Variants in BLTP3A observed in about 807,000 individuals in gnomAD.
The protein encoded by BLTP3A is bridge-like lipid transfer protein family member 3A.
the BLTP3A span, among the ~76,000 whole-genome samples, chr6:34,850,230 C>CA: frequency 6.6e-6 from 1 of 152,038 alleles, no homozygotes; most frequent in East Asian, 1.9e-4. Flanking sequence ...TGCTGCCAGA[C>CA]ATATTGAAGC....
At chr6:34,857,961 C>T in the BLTP3A span, 3 of 1,592,776 alleles carry the variant, frequency 1.9e-6, no homozygotes, top group Non-Finnish European at 2.6e-6. Context: ...GTAGCCACAG[C>T]TGCATTTTTC....
chr6:34,841,310 C>A, the BLTP3A span, among the ~76,000 whole-genome samples: 1 of 151,848 alleles, frequency 6.6e-6, no homozygotes, highest in African/African-American at 2.4e-5. Context: ...CTCAAGTGAT[C>A]CGCCCACTTC....
At chr6:34,853,432 T>G in the BLTP3A span, among the ~76,000 whole-genome samples, 1 of 152,162 alleles carries the variant, frequency 6.6e-6, no homozygotes, top group Non-Finnish European at 1.5e-5. Flanking sequence ...TCCAAAATGC[T>G]GAGATTACAG....
At chr6:34,809,163 T>A in the BLTP3A span, among the ~76,000 whole-genome samples, 3 of 152,050 alleles carry the variant, frequency 2.0e-5, no homozygotes, top group Non-Finnish European at 4.4e-5. Context: ...AAGGCTGAAG[T>A]GGGAGGATCA....
At chr6:34,844,221 A>C in the BLTP3A span, among the ~76,000 whole-genome samples, 1 of 151,842 alleles carries the variant, frequency 6.6e-6, no homozygotes, top group Non-Finnish European at 1.5e-5. Flanking sequence ...TGACCTTGTG[A>C]TCCACCCACC....
the BLTP3A span, among the ~76,000 whole-genome samples, chr6:34,830,522 A>G: frequency 2.0e-5 from 3 of 151,520 alleles, no homozygotes; most frequent in Non-Finnish European, 4.4e-5. Context: ...CCTGGGAGGC[A>G]GATGTTGTAG....
chr6:34,861,712 A>T, the BLTP3A span, among the ~76,000 whole-genome samples: 1 of 152,172 alleles, frequency 6.6e-6, no homozygotes, highest in African/African-American at 2.4e-5. Context: ...TTTTATTATG[A>T]TATTTTCCCA....
chr6:34,808,582 C>A, the BLTP3A span, among the ~76,000 whole-genome samples: 39 of 143,750 alleles, frequency 2.7e-4, no homozygotes, highest in Admixed American at 2.7e-3. Context: ...ATATTATGAA[C>A]ACCTTTTTTT....
chr6:34,871,634 T>C, the BLTP3A span: 4 of 1,614,036 alleles, frequency 2.5e-6, no homozygotes, highest in Non-Finnish European at 3.4e-6. Context: ...TCCCCATCAC[T>C]CTGGCCATGG....
chr6:34,815,330 A>G, the BLTP3A span, among the ~76,000 whole-genome samples: 1 of 151,772 alleles, frequency 6.6e-6, no homozygotes, highest in Non-Finnish European at 1.5e-5. Context: ...GCTCATTGCA[A>G]CCTCTGCCTT....
the BLTP3A span, among the ~76,000 whole-genome samples, chr6:34,816,952 G>T: frequency 6.6e-6 from 1 of 152,172 alleles, no homozygotes; most frequent in Non-Finnish European, 1.5e-5. Flanking sequence ...ATTAGAGGAA[G>T]GGTTGCTAGG....
chr6:34,798,344 A>G, the BLTP3A span, among the ~76,000 whole-genome samples: 1 of 152,192 alleles, frequency 6.6e-6, no homozygotes, highest in Non-Finnish European at 1.5e-5. Context: ...CAGCGCTACT[A>G]GAAACATTCT....
chr6:34,876,083 A>G, the BLTP3A span: 24 of 152,620 alleles, frequency 1.6e-4, no homozygotes, highest in African/African-American at 5.8e-4. Flanking sequence ...GATATGCTTT[A>G]GTGTGTATGG....
At chr6:34,842,625 T>C in the BLTP3A span, among the ~76,000 whole-genome samples, 6 of 152,144 alleles carry the variant, frequency 3.9e-5, no homozygotes, top group African/African-American at 1.4e-4. Context: ...GGAAGATTGC[T>C]TGAGCCCAGG....
the BLTP3A span, chr6:34,871,711 C>T: frequency 6.2e-7 from 1 of 1,613,792 alleles, no homozygotes; most frequent in Non-Finnish European, 8.5e-7. Flanking sequence ...GGCTTGTCAG[C>T]CTGTTGGTTT....
At chr6:34,807,867 C>T in the BLTP3A span, among the ~76,000 whole-genome samples, 1 of 151,170 alleles carries the variant, frequency 6.6e-6, no homozygotes, top group Admixed American at 6.6e-5. Flanking sequence ...TGTTGAAACC[C>T]CATCTCTACT....
the BLTP3A span, among the ~76,000 whole-genome samples, chr6:34,829,187 C>G: frequency 6.6e-6 from 1 of 152,114 alleles, no homozygotes; most frequent in Admixed American, 6.6e-5. Context: ...GATGTACAAC[C>G]ATGACCACAA....
At chr6:34,823,419 A>T in the BLTP3A span, 153 of 1,362,406 alleles carry the variant, frequency 1.1e-4, no homozygotes, top group Non-Finnish European at 1.6e-4. Context: ...TAAAAAATAA[A>T]AACTTTTTAT....
the BLTP3A span, among the ~76,000 whole-genome samples, chr6:34,841,832 A>G: frequency 1.3e-5 from 2 of 152,186 alleles, no homozygotes; most frequent in East Asian, 1.9e-4. Flanking sequence ...TGGAGCTCAC[A>G]TTTCAGTCTT....
Sources: allele counts gnomAD v4.1 joint callset (sites outside exome capture counted in the v4.1 genomes callset), GRCh38; gene constraint gnomAD v4.1.1; transcripts MANE v1.5; gene names NCBI Gene and HGNC (gene_info 2026-07-23, HGNC 2026-07-21).